The following COL23A1 variants were observed in gnomAD, a reference collection of about 807,000 sequenced individuals.
The protein encoded by COL23A1 is collagen type XXIII alpha 1 chain, also known as collagen alpha-1(XXIII) chain.
COL23A1 carries 97 observed loss-of-function variants against 99.3 expected under a neutral mutation model. The ratio of observed to expected loss-of-function variants is 0.98; its 90% CI spans 0.83 to 1.16. The LOEUF is 1.16. Among genes scored for constraint, COL23A1 ranks in the 50% most tolerant of loss-of-function variants. The probability of loss-of-function intolerance (pLI) is 0.00; values close to 1 mark genes in which losing one functional copy is unlikely to be tolerated. For synonymous variants in COL23A1, 320 were observed against 308.2 expected (o/e 1.04, Z -0.40); for missense variants, 762 against 757.4 (o/e 1.01, Z -0.07).
At chr5:178,266,810 G>A (rs916201389) in intron 8 of COL23A1, among the ~76,000 whole-genome samples, 1 of 152,214 alleles carries the variant, frequency 6.6e-6, no homozygotes, top group African/African-American at 2.4e-5. Context: ...CCCGCTCTCC[G>A]CACTGCGGCT....
chr5:178,503,354 A>C (rs565547658), intron 2 of COL23A1, among the ~76,000 whole-genome samples: 1 of 152,350 alleles, frequency 6.6e-6, no homozygotes, highest in South Asian at 2.1e-4. Context: ...TCTCCAAAAA[A>C]AAACAAAAGT....
chr5:178,525,659 G>A (rs1408971740), intron 2 of COL23A1, among the ~76,000 whole-genome samples: 1 of 68,998 alleles, frequency 1.4e-5, no homozygotes, highest in Non-Finnish European at 2.8e-5. Context: ...GCGACACAGC[G>A]CGCAGACCCC....
At chr5:178,267,114 T>G (rs1755944369) in intron 8 of COL23A1, among the ~76,000 whole-genome samples, 193 bp downstream of exon 8, 1 of 152,200 alleles carries the variant, frequency 6.6e-6, no homozygotes. Context: ...ACACTCCACC[T>G]GCGCAAGAGG....
intron 2 of COL23A1, among the ~76,000 whole-genome samples, chr5:178,545,519 C>G (rs937594358): frequency 2.0e-5 from 3 of 152,098 alleles, no homozygotes; most frequent in Admixed American, 6.5e-5. Flanking sequence ...TGGGAAACTG[C>G]AAGGGGACAC....
rs1434456069 is a variant in COL23A1, at chr5:178,387,967, G to A, written c.362-81048C>T. On this transcript the variant is annotated intron_variant, in intron 2 of 28. Coordinates refer to ENST00000390654, the MANE Select transcript of COL23A1 (RefSeq NM_173465.4). The surrounding 1 kb of genome is among the most constrained non-coding windows in gnomAD (Gnocchi z 4.7). ...GGACAGAAATGGGCAAGTGGGAGGA[G>A]ATTGATGCAGAAAGCCCCCCGCCAC... Among the ~76,000 whole-genome samples the A allele has an allele frequency of 6.6e-6, 1 of 152,162 alleles. No individual in the cohort carries two copies. The highest frequency in any genetic ancestry group is 6.5e-5 in the Admixed American group (1 of 15,282).
intron 2 of COL23A1, among the ~76,000 whole-genome samples, chr5:178,444,012 G>A (rs550389889): frequency 3.2e-4 from 48 of 152,166 alleles, no homozygotes; most frequent in Non-Finnish European, 6.2e-4. Flanking sequence ...GACCAACCCA[G>A]GCAACATGGT....
intron 2 of COL23A1, among the ~76,000 whole-genome samples, chr5:178,547,586 C>T (rs867012607): frequency 5.5e-4 from 27 of 49,116 alleles, no homozygotes; most frequent in Admixed American, 1.5e-3. Flanking sequence ...TACACCCACA[C>T]CCCCACAACC....
chr5:178,390,963 A>T (rs1410092511), intron 2 of COL23A1, among the ~76,000 whole-genome samples: 1 of 152,240 alleles, frequency 6.6e-6, no homozygotes, highest in Non-Finnish European at 1.5e-5. Flanking sequence ...TTTGTGCCTT[A>T]AAACAGGGGC....
intron 2 of COL23A1, among the ~76,000 whole-genome samples, chr5:178,537,312 G>A (rs554782808): frequency 3.3e-5 from 5 of 152,362 alleles, no homozygotes; most frequent in Admixed American, 6.5e-5. Context: ...CCTGAGGCCC[G>A]GGGTCGTATT....
chr5:178,581,336 C>T (rs1763648696), intron 1 of COL23A1, among the ~76,000 whole-genome samples: 1 of 152,158 alleles, frequency 6.6e-6, no homozygotes, highest in African/African-American at 2.4e-5. Context: ...GAGGCCAAGG[C>T]AGGCAAATCA....
intron 2 of COL23A1, among the ~76,000 whole-genome samples, chr5:178,508,938 A>G (rs1447339350): frequency 1.3e-5 from 2 of 152,188 alleles, no homozygotes; most frequent in Admixed American, 6.5e-5. Context: ...ACTTAGGAGG[A>G]ACAGAGAAAA....
At chr5:178,511,917 A>G (rs1159084585) in intron 2 of COL23A1, among the ~76,000 whole-genome samples, 1 of 152,202 alleles carries the variant, frequency 6.6e-6, no homozygotes, top group Non-Finnish European at 1.5e-5. Context: ...GGTACCACTC[A>G]TTGCCAGATG....
intron 2 of COL23A1, among the ~76,000 whole-genome samples, chr5:178,419,571 G>T (rs1218393086): frequency 6.6e-6 from 1 of 152,188 alleles, no homozygotes; most frequent in Non-Finnish European, 1.5e-5. Context: ...TGCAGACTGG[G>T]CATCCCTATG....
intron 2 of COL23A1, among the ~76,000 whole-genome samples, chr5:178,543,552 T>C (rs1761412333): frequency 1.3e-5 from 2 of 152,116 alleles, no homozygotes; most frequent in Non-Finnish European, 2.9e-5. Context: ...TCCTAAACAA[T>C]GCCTGGAGTG....
chr5:178,237,775 G>T lies in COL23A1; in HGVS notation c.*923C>A, dbSNP rs1231207712. The T allele has an allele frequency of 1.3e-5, 2 of 152,400 alleles. No homozygotes were observed. The allele number at this position is 152,400 out of a possible 1,614,324, so 9.4% of individuals were successfully genotyped here. A position where few individuals can be genotyped will look rare whatever the true frequency, so the allele number is the denominator to read the frequency against. ...GTCTGGTGGCAGGCCCCCTGCTCAG[G>T]CCAGCTGGGAACCAGCCCTGAGCTT... On this transcript the variant is annotated 3_prime_UTR_variant, in exon 29 of 29. Transcript: ENST00000390654.
intron 1 of COL23A1, among the ~76,000 whole-genome samples, chr5:178,575,446 G>T (rs1442880703): frequency 1.3e-5 from 2 of 152,092 alleles, no homozygotes; most frequent in African/African-American, 4.8e-5. Context: ...CATGTTTTTC[G>T]TGTTAATTTG....
At position 178,369,967 on chromosome 5, in the gene COL23A1, G is replaced by A. The variant is rs544994245; in HGVS notation, c.362-63048C>T. ...TTCCAGGCCCTTCTAGATGTGGCCCGAAGTACTGAGTCACGTTAATGTGGA... is the reference window on the plus strand; with the variant it reads ...TTCCAGGCCCTTCTAGATGTGGCCCAAAGTACTGAGTCACGTTAATGTGGA... On this transcript the variant is annotated intron_variant, in intron 2 of 28. Transcript: ENST00000390654. Among the ~76,000 whole-genome samples the A allele has an allele frequency of 5.2e-4, 79 of 152,318 alleles. 1 individual carries two copies. The highest frequency in any genetic ancestry group is 9.0e-4 in the Non-Finnish European group (61 of 68,036).
chr5:178,473,533 T>G (rs2127938678), intron 2 of COL23A1, among the ~76,000 whole-genome samples: 1 of 150,564 alleles, frequency 6.6e-6, no homozygotes, highest in Middle Eastern at 3.4e-3. Context: ...AGGCTGGTCT[T>G]GAACTCCTGG....
At chr5:178,321,786 G>A (rs1759331844) in intron 2 of COL23A1, among the ~76,000 whole-genome samples, 2 of 151,428 alleles carry the variant, frequency 1.3e-5, no homozygotes, top group South Asian at 4.2e-4. Context: ...ACCGCGCCCG[G>A]CCCCGTAGCC....
Sources: allele counts gnomAD v4.1 joint callset (sites outside exome capture counted in the v4.1 genomes callset), GRCh38; gene constraint gnomAD v4.1.1; non-coding constraint Gnocchi (gnomAD v3.1); transcripts MANE v1.5; gene names NCBI Gene and HGNC (gene_info 2026-07-23, HGNC 2026-07-21).